The following CABIN1 variants were observed in gnomAD, a reference collection of about 807,000 sequenced individuals.
CABIN1 encodes calcineurin-binding protein cabin-1.
In CABIN1, 133 loss-of-function variants were observed where a neutral mutation model predicts 227.7. The observed-to-expected ratio is 0.58, with a 90% CI of 0.51 to 0.67. CABIN1 has a LOEUF of 0.67. Among genes scored for constraint, CABIN1 ranks in the 30% least tolerant of loss-of-function variants. The probability of loss-of-function intolerance (pLI) is 0.00; values close to 1 mark genes in which losing one functional copy is unlikely to be tolerated. For missense variants in CABIN1, 2,408 were observed against 2,852.5 expected, an observed-to-expected ratio of 0.84 and a Z score of 3.55; for synonymous variants, 1,086 against 1,155.1, an observed-to-expected ratio of 0.94 and a Z score of 1.21.
At chr22:24,120,306 G>C (rs370144785) in intron 28 of CABIN1, among the ~76,000 whole-genome samples, 4 of 152,322 alleles carry the variant, frequency 2.6e-5, no homozygotes, top group East Asian at 1.9e-4. Context: ...ATGATGTAGC[G>C]ATCCTTAACA....
chr22:24,156,014 C>T (rs1421100876), intron 29 of CABIN1: 5 of 574,818 alleles, frequency 8.7e-6, no homozygotes, highest in Non-Finnish European at 1.5e-5. Flanking sequence ...GAACGAGCCT[C>T]CGCGGCCATG....
intron 20 of CABIN1, among the ~76,000 whole-genome samples, 186 bp from the exon 21 acceptor site, chr22:24,084,393 C>T (rs533058226): frequency 3.9e-5 from 6 of 151,938 alleles, no homozygotes; most frequent in East Asian, 1.9e-4. Flanking sequence ...CGCTTGCCAC[C>T]GTGCCCAGCT....
intron 5 of CABIN1, 58 bp from the exon 6 acceptor site, chr22:24,042,846 G>GTTTGCCCTCTGCT (rs2037516113): frequency 2.5e-6 from 2 of 807,526 alleles, no homozygotes; most frequent in African/African-American, 3.4e-5. Context: ...GTGTGTGTGT[G>GTTTGCCCTCTGCT]TGTGTGTGTG....
rs750468927 is a variant in CABIN1 at position 24,063,020 on chromosome 22, G to C, written c.1758G>C (p.Gly586=). The change falls in exon 14 of 37, where the codon GGG becomes GGC. Residue 586 remains glycine (G), a synonymous_variant. Coordinates refer to ENST00000263119, the MANE Select transcript of CABIN1 (RefSeq NM_012295.4). ...VNGRFGPDFP[G]THCLGDLLQL... is the part of the protein sequence containing the mutation. ...GCAGATTTGGACCTGACTTCCCAGG[G>C]ACCCACTGCCTGGGTGACCTCCTAC... 6.2e-7 allele frequency: 1 copy of C among 1,614,022 alleles called. No individual in the cohort carries two copies. Among genetic ancestry groups the C allele is most frequent in the African/African-American group, 1.3e-5 (1 of 74,922 alleles).
At chr22:24,156,035 C>T (rs2045772295) in intron 29 of CABIN1, 5 of 560,506 alleles carry the variant, frequency 8.9e-6, no homozygotes, top group East Asian at 6.9e-5. Context: ...GCCCGGCGCT[C>T]GCCCTAGCTC....
intron 13 of CABIN1, 125 bp from the exon 14 acceptor site, chr22:24,062,834 C>T (rs2039297344): frequency 2.2e-6 from 2 of 911,982 alleles, no homozygotes. Context: ...CTGTAGGGCT[C>T]TGAGGGGCTT....
intron 26 of CABIN1, among the ~76,000 whole-genome samples, chr22:24,110,338 C>T (rs1382141259): frequency 1.3e-5 from 2 of 152,194 alleles, no homozygotes; most frequent in East Asian, 1.9e-4. Flanking sequence ...AAGAGCTGCT[C>T]ATCTTTTGCA....
chr22:24,029,161 C>T (rs1374340497), intron 1 of CABIN1, among the ~76,000 whole-genome samples: 1 of 152,156 alleles, frequency 6.6e-6, no homozygotes, highest in Non-Finnish European at 1.5e-5. Flanking sequence ...TGAAACCAGC[C>T]TGGCTAACAT....
At chr22:24,100,338 G>A (rs1048428144) in intron 26 of CABIN1, among the ~76,000 whole-genome samples, 5 of 152,192 alleles carry the variant, frequency 3.3e-5, no homozygotes, top group Non-Finnish European at 7.3e-5. Flanking sequence ...AAATGTTTGG[G>A]GTCCTAAAAT....
intron 8 of CABIN1, among the ~76,000 whole-genome samples, chr22:24,052,279 A>G (rs572168697): frequency 1.3e-5 from 2 of 152,238 alleles, no homozygotes; most frequent in African/African-American, 4.8e-5. Flanking sequence ...CTCAGTAGTT[A>G]AATTTGGGAT....
intron 29 of CABIN1, among the ~76,000 whole-genome samples, chr22:24,159,409 G>A: frequency 6.6e-6 from 1 of 152,248 alleles, no homozygotes. Context: ...CAACCTGGGT[G>A]AGCTGGAGAG....
At chr22:24,038,303 CAG>C (rs765738922) in intron 3 of CABIN1, 43 bp from the exon 4 acceptor site, 5 of 1,510,324 alleles carry the variant, frequency 3.3e-6, no homozygotes, top group Non-Finnish European at 4.6e-6. Context: ...TTAAAAAAGA[CAG>C]ATCTTTATGC....
At chr22:24,167,986 G>A (rs999037078) in intron 32 of CABIN1, among the ~76,000 whole-genome samples, 4 of 152,186 alleles carry the variant, frequency 2.6e-5, no homozygotes, top group Admixed American at 2.6e-4. Context: ...TAAAGGGCAG[G>A]TTCTAGCTCA....
chr22:24,177,587 A>G lies in CABIN1; in HGVS notation c.6289A>G (p.Thr2097Ala). 1.2e-6 allele frequency: 2 copies of G among 1,608,002 alleles called. No homozygotes were observed. Among genetic ancestry groups the G allele is most frequent in the Non-Finnish European group, 1.7e-6 (2 of 1,176,100 alleles). The change falls in exon 36 of 37, where the codon ACA becomes GCA. Residue 2097 changes from threonine (T) to alanine (A), a missense_variant. Thr to Ala is a moderately conservative substitution (Grantham distance 58). Coordinates refer to ENST00000263119, the MANE Select transcript of CABIN1 (RefSeq NM_012295.4). This position sits in a 1 kb window ranked among gnomAD's most constrained non-coding sequence, Gnocchi z 4.4. ...SETQPLSSPP[T>A]AASSKAPSSG... ...GACTCAGCCCCTGAGCTCTCCCCCA[A>G]CAGCTGCCAGCTCCAAGGCCCCCAG...
At chr22:24,040,012 G>A (rs1234428144) in intron 4 of CABIN1, among the ~76,000 whole-genome samples, 1 of 152,252 alleles carries the variant, frequency 6.6e-6, no homozygotes, top group Non-Finnish European at 1.5e-5. Context: ...GGTGCTGAAT[G>A]TAGGTAGTCT....
At chr22:24,106,336 AG>A (rs1230916296) in intron 26 of CABIN1, among the ~76,000 whole-genome samples, 4 of 152,198 alleles carry the variant, frequency 2.6e-5, no homozygotes, top group Non-Finnish European at 5.9e-5. Context: ...GGGAGTAGAG[AG>A]ATGACAGTAG....
intron 29 of CABIN1, among the ~76,000 whole-genome samples, chr22:24,158,669 C>T (rs1388282314): frequency 6.6e-6 from 1 of 152,124 alleles, no homozygotes; most frequent in Non-Finnish European, 1.5e-5. Flanking sequence ...TTCTCTGGCA[C>T]CAGCTGCATC....
At chr22:24,015,489 C>T (rs1218863670) in intron 1 of CABIN1, among the ~76,000 whole-genome samples, 2 of 151,136 alleles carry the variant, frequency 1.3e-5, no homozygotes, top group African/African-American at 2.4e-5. Context: ...GGACTACAGG[C>T]GCCCACCACC....
intron 1 of CABIN1, among the ~76,000 whole-genome samples, chr22:24,029,540 G>C (rs1441646697): frequency 6.6e-6 from 1 of 151,894 alleles, no homozygotes; most frequent in Non-Finnish European, 1.5e-5. Context: ...CTGGGCAACA[G>C]AGTGAGACCC....
Sources: gnomAD v4.1 joint callset for allele counts (sites outside exome capture counted in the v4.1 genomes callset) on GRCh38, gnomAD v4.1.1 for gene constraint, Gnocchi (gnomAD v3.1) non-coding constraint, MANE v1.5 for transcripts, NCBI Gene and HGNC (gene_info 2026-07-23, HGNC 2026-07-21) for gene names.